Variants in MSH6 observed in about 807,000 individuals in gnomAD.
MSH6 encodes the protein DNA mismatch repair protein Msh6.
In MSH6, 85 loss-of-function variants were observed where a neutral mutation model predicts 119.1. That is an observed-to-expected ratio of 0.71 (90% CI 0.60 to 0.85). The LOEUF (loss-of-function observed/expected upper bound fraction) is 0.85. Ranked by LOEUF, MSH6 falls within the 40% of genes least tolerant of loss-of-function variation. MSH6 has a pLI of 0.00. For synonymous variants in MSH6, 830 were observed against 586.9 expected (o/e 1.41, Z -5.99); for missense variants, 2,163 against 1,655.3 (o/e 1.31, Z -5.32).
rs587779321 is a variant in MSH6 at position 47,798,736 on chromosome 2, A to G, written c.753A>G (p.Ile251Met). 1.2e-6 allele frequency: 2 copies of G among 1,614,180 alleles called. No individual in the cohort carries two copies. The highest frequency in any genetic ancestry group is 1.3e-5 in the African/African-American group (1 of 75,054). Reference sequence around the variant, plus strand: ...GCCAAATAAAAAAACGAAGGGTCATATCAGATTCTGAGAGTGACATTGGTG... The same window carrying G: ...GCCAAATAAAAAAACGAAGGGTCATGTCAGATTCTGAGAGTGACATTGGTG... The part of the protein sequence containing the change: ...SSRQIKKRRV[I>M]SDSESDIGGS... The change falls in exon 4 of 10, where the codon ATA becomes ATG. Residue 251 changes from isoleucine (I) to methionine (M), a missense_variant. Coordinates refer to ENST00000234420, the MANE Select transcript of MSH6 (RefSeq NM_000179.3).
chr2:47,808,957 A>C (rs990279381), downstream of MSH6: 2 of 428,660 alleles, frequency 4.7e-6, no homozygotes. Flanking sequence ...TCAGCCTCCC[A>C]AAGTGCTAGG....
rs730881793 is a variant in MSH6 at position 47,799,827 on chromosome 2, G to C, written c.1844G>C (p.Cys615Ser). The C allele has an allele frequency of 3.1e-5, 50 of 1,614,058 alleles. No homozygotes were observed. Among genetic ancestry groups the C allele is most frequent in the Admixed American group, 2.0e-4 (12 of 60,002 alleles). Residue 615 changes from cysteine (C) to serine (S), a missense_variant, in exon 4 of 10, where the codon TGT becomes TCT. Coordinates refer to ENST00000234420, the MANE Select transcript of MSH6 (RefSeq NM_000179.3). The part of the protein sequence containing the change: ...TKTILKSSLS[C>S]SLQEGLIPGS... ...ACAATTCTAAAGAGTTCATTGTCCT[G>C]TTCTCTTCAGGAAGGTCTGATACCC...
At chr2:47,783,661 A>G in intron 1 of MSH6, 168 bp downstream of exon 1, 1 of 647,550 alleles carries the variant, frequency 1.5e-6, no homozygotes. Flanking sequence ...TCGAGTCTGG[A>G]GCATTTGGGG....
rs864622425 is a variant in MSH6, at chr2:47,783,466, G to A, written c.233G>A (p.Arg78Lys). 9 of 1,453,156 alleles carry A rather than the reference G, an allele frequency of 6.2e-6. No homozygotes were observed. The East Asian group carries it at 2.2e-4, about 35-fold the overall frequency. 90.0% of individuals were successfully genotyped at this position (1,453,156 alleles called of 1,614,324 possible). A position where few individuals can be genotyped will look rare whatever the true frequency, so the allele number is the denominator to read the frequency against. The change falls in exon 1 of 10, where the codon AGA (arginine) becomes AAA (lysine). Residue 78 changes from arginine to lysine, a missense_variant. By Grantham distance (26) the Arg-to-Lys change is conservative. Transcript: ENST00000234420. ...KAKNLNGGLRRSVAPAAPTSC... is the reference protein window; with the variant it reads ...KAKNLNGGLRKSVAPAAPTSC... ...AAGAACCTCAACGGAGGGCTGCGGA[G>A]ATCGGTAGCGCCTGCTGCCCCCACC...
intron 7 of MSH6, 119 bp downstream of exon 7, chr2:47,805,826 G>T (rs1466237949): frequency 4.8e-6 from 4 of 838,582 alleles, no homozygotes; most frequent in Non-Finnish European, 8.1e-6. Flanking sequence ...TTTAGAGCAC[G>T]CACTCACCAT....
At chr2:47,784,753 G>C (rs897686099) in intron 1 of MSH6, 1 of 152,204 alleles carries the variant, frequency 6.6e-6, no homozygotes, top group African/African-American at 2.4e-5. Flanking sequence ...TAGCCACCGC[G>C]CCCGGTCTGT....
At position 47,798,601 on chromosome 2, in the gene MSH6, T is replaced by C. The variant is rs779603037; in HGVS notation, c.628-10T>C. 1 of 1,608,222 alleles carries C rather than the reference T, an allele frequency of 6.2e-7. No homozygotes were observed. Among genetic ancestry groups the C allele is most frequent in the Non-Finnish European group, 8.5e-7 (1 of 1,179,840 alleles). ...GATTTGTTTTTAAATACTCTTTCCTTGCCTGGCAGGTAGGCACAACTTACG... is the reference window on the plus strand; with the variant it reads ...GATTTGTTTTTAAATACTCTTTCCTCGCCTGGCAGGTAGGCACAACTTACG... On this transcript the variant is annotated splice_polypyrimidine_tract_variant and intron_variant, in intron 3 of 9. Transcript: ENST00000234420.
At position 47,795,920 on chromosome 2, in the gene MSH6, G is replaced by A. The variant is rs1183989693; in HGVS notation, c.484G>A (p.Gly162Arg). 1 of 1,614,112 alleles carries A rather than the reference G, an allele frequency of 6.2e-7. No homozygotes were observed. The highest frequency in any genetic ancestry group is 2.2e-5 in the East Asian group (1 of 44,882). Residue 162 changes from glycine to arginine, a missense_variant, in exon 3 of 10, where the codon GGA becomes AGA. Coordinates refer to ENST00000234420, the MANE Select transcript of MSH6 (RefSeq NM_000179.3). The stretch of plus-strand genomic sequence containing the variant: ...TTCAAAATCAAAGGAAGCCCAGAAG[G>A]GAGGTCATTTTTACAGTGCAAAGCC... ...TGSKSKEAQK[G>R]GHFYSAKPEI... is the part of the protein sequence containing the mutation.
In MSH6 at chr2:47,799,893, TCC is replaced by T; in HGVS notation, c.1911_1912del (p.Leu638Ter). Reference sequence around the variant, plus strand: ...GATGCATCCAAAACTTTGAGAACTCTCCTTGAGGAAGAATATTTTAGGGAAAA... The same window carrying T: ...GATGCATCCAAAACTTTGAGAACTCTTTGAGGAAGAATATTTTAGGGAAAA... On this transcript the variant is annotated frameshift_variant, in exon 4 of 10. Transcript: ENST00000234420. LOFTEE classifies it high-confidence loss of function. 1.2e-6 allele frequency: 2 copies of T among 1,614,188 alleles called. No individual in the cohort carries two copies. Among genetic ancestry groups the T allele is most frequent in the Non-Finnish European group, 1.7e-6 (2 of 1,180,044 alleles).
intron 2 of MSH6, among the ~76,000 whole-genome samples, chr2:47,794,567 C>T (rs961496519): frequency 1.1e-4 from 17 of 152,110 alleles, no homozygotes; most frequent in Admixed American, 2.6e-4. Flanking sequence ...CCACCACGCC[C>T]AGCCCTAAAG....
intron 2 of MSH6, among the ~76,000 whole-genome samples, chr2:47,792,029 A>G (rs1427406003): frequency 6.6e-6 from 1 of 152,134 alleles, no homozygotes; most frequent in Non-Finnish European, 1.5e-5. Flanking sequence ...TATTTCTAGT[A>G]GAGATGGGGT....
At position 47,792,346 on chromosome 2, in the gene MSH6, T is replaced by C. The variant is rs2348244; in HGVS notation, c.457+1223T>C. On this transcript the variant is annotated intron_variant, in intron 2 of 9. Coordinates refer to ENST00000234420, the MANE Select transcript of MSH6 (RefSeq NM_000179.3). ...CTGGGAAATTCCCAGAATCACACTC[T>C]TTCGTCATAGTGCTCATCCTACAAA... Among the ~76,000 whole-genome samples the C allele has an allele frequency of 0.13, 19,454 of 152,104 alleles. 1,705 individuals are homozygous for C. Among genetic ancestry groups the C allele is most frequent in the East Asian group, 0.38 (1,959 of 5,158 alleles).
intron 1 of MSH6, among the ~76,000 whole-genome samples, chr2:47,786,328 G>C (rs1279884863): frequency 6.6e-6 from 1 of 151,764 alleles, no homozygotes; most frequent in Non-Finnish European, 1.5e-5. Flanking sequence ...CTTAAAACAT[G>C]TTGAGCGTAT....
At position 47,798,645 on chromosome 2, in the gene MSH6, A is replaced by AAGATAATG. The variant is rs1223983117; in HGVS notation, c.664_671dup (p.Glu226MetfsTer23). ...ACTTACGTAACAGATAAGAGTGAAG[A>AAGATAATG]AGATAATGAAATTGAGAGTGAAGAG... On this transcript the variant is annotated frameshift_variant, in exon 4 of 10. Coordinates refer to ENST00000234420, the MANE Select transcript of MSH6 (RefSeq NM_000179.3). LOFTEE classifies it high-confidence loss of function. The AAGATAATG allele has an allele frequency of 6.2e-7, 1 of 1,612,654 alleles. No individual in the cohort carries two copies. The highest frequency in any genetic ancestry group is 8.5e-7 in the Non-Finnish European group (1 of 1,179,998).
At position 47,806,765 on chromosome 2, in the gene MSH6, T is replaced by TTTTTAA; in HGVS notation, c.4002-7_4002-2dup. 6.3e-7 allele frequency: 1 copy of TTTTTAA among 1,585,448 alleles called. No individual in the cohort carries two copies. The highest frequency in any genetic ancestry group is 1.4e-5 in the African/African-American group (1 of 72,628). On this transcript the variant is annotated splice_polypyrimidine_tract_variant and intron_variant, in intron 9 of 9. Transcript: ENST00000234420. Reference sequence around the variant, plus strand: ...AAACAAAAAAACTTTTTTTTTTTTTTTTTTAATTTTAAGGGAAGTTTGCCT... The same window carrying TTTTTAA: ...AAACAAAAAAACTTTTTTTTTTTTTTTTTTAATTTTAATTTTAAGGGAAGTTTGCCT...
intron 5 of MSH6, 110 bp downstream of exon 5, chr2:47,803,795 T>A: frequency 7.9e-7 from 1 of 1,273,522 alleles, no homozygotes; most frequent in Non-Finnish European, 1.1e-6. Flanking sequence ...GCCAGTGACT[T>A]AATAGGAAGC....
chr2:47,801,925 T>C (rs774091365), intron 4 of MSH6, among the ~76,000 whole-genome samples: 3 of 152,174 alleles, frequency 2.0e-5, no homozygotes, highest in Non-Finnish European at 4.4e-5. Flanking sequence ...ATTACAGGCA[T>C]GAGCCACCGC....
In MSH6 at chr2:47,797,513, C is replaced by G. The variant is rs530566067; in HGVS notation, c.628-1098C>G. Among the ~76,000 whole-genome samples the G allele has an allele frequency of 4.6e-4, 70 of 152,318 alleles. 2 individuals carry two copies. Among genetic ancestry groups the G allele is most frequent in the Middle Eastern group, 6.8e-3 (2 of 294 alleles). Reference sequence around the variant, plus strand: ...ACAGCCAATTGTGGAAGAGCAAACACTAGAACCAGTATAAGTTGCTTACTG... The same window carrying G: ...ACAGCCAATTGTGGAAGAGCAAACAGTAGAACCAGTATAAGTTGCTTACTG... On this transcript the variant is annotated intron_variant, in intron 3 of 9. Transcript: ENST00000234420.
chr2:47,806,894 G>C lies in MSH6; in HGVS notation c.*34G>C, dbSNP rs184571812. 125 of 1,455,508 alleles carry C rather than the reference G, an allele frequency of 8.6e-5. 1 individual carries two copies. In the East Asian group the frequency reaches 2.7e-3, roughly 32 times the overall value. The allele number at this position is 1,455,508 out of a possible 1,614,324, so 90.2% of individuals were successfully genotyped here. On this transcript the variant is annotated 3_prime_UTR_variant, in exon 10 of 10. Coordinates refer to ENST00000234420, the MANE Select transcript of MSH6 (RefSeq NM_000179.3). The stretch of plus-strand genomic sequence containing the variant: ...CATTGGAAGCTTTGAGTTGACTTCT[G>C]ACAAAGGTGGTAAATTCAGACAACA...
Sources: gnomAD v4.1 joint callset for allele counts (sites outside exome capture counted in the v4.1 genomes callset) on GRCh38, gnomAD v4.1.1 for gene constraint, MANE v1.5 for transcripts, NCBI Gene and HGNC (gene_info 2026-07-23, HGNC 2026-07-21) for gene names.